RFX3: variants seen among roughly 807,000 people sequenced by gnomAD.
RFX3 encodes transcription factor RFX3.
A neutral mutation model predicts 98.6 loss-of-function variants in RFX3; 14 were observed. The ratio of observed to expected loss-of-function variants is 0.14; its 90% confidence interval spans 0.09 to 0.22. The LOEUF (loss-of-function observed/expected upper bound fraction) is 0.22. Among genes scored for constraint, RFX3 ranks in the 10% least tolerant of loss-of-function variants. The pLI is 1.00. For synonymous variants in RFX3, 383 were observed against 328.4 expected, an observed-to-expected ratio of 1.17 and a Z score of -1.80; for missense variants, 639 against 926.9, an observed-to-expected ratio of 0.69 and a Z score of 4.03.
chr9:3,321,312 T>G (rs13283815), intron 4 of RFX3, among the ~76,000 whole-genome samples: 8,876 of 152,286 alleles, frequency 0.058, 361 homozygotes, highest in Non-Finnish European at 0.087. Context: ...GCACACTGAC[T>G]GAGTCAGAGG....
At chr9:3,361,961 A>G (rs186455807) in intron 2 of RFX3, among the ~76,000 whole-genome samples, 61 of 152,294 alleles carry the variant, frequency 4.0e-4, no homozygotes, top group Admixed American at 1.9e-3. Flanking sequence ...ATAAAGTAAA[A>G]TAAAATAAAA....
intron 4 of RFX3, among the ~76,000 whole-genome samples, chr9:3,322,915 T>C (rs1403287406): frequency 6.6e-6 from 1 of 152,152 alleles, no homozygotes; most frequent in Non-Finnish European, 1.5e-5. Context: ...TCCTGTAATT[T>C]TGAAAGCACA....
At chr9:3,436,587 G>T (rs1481306137) in intron 1 of RFX3, among the ~76,000 whole-genome samples, 3 of 152,068 alleles carry the variant, frequency 2.0e-5, no homozygotes, top group African/African-American at 7.2e-5. Context: ...TGGACACTTA[G>T]TTCCAAAATT....
intron 14 of RFX3, among the ~76,000 whole-genome samples, chr9:3,255,856 T>C (rs528645479): frequency 6.6e-6 from 1 of 152,344 alleles, no homozygotes; most frequent in South Asian, 2.1e-4. Flanking sequence ...AAAAGTGATT[T>C]ATATTATTAA....
chr9:3,322,272 T>C (rs1341159651), intron 4 of RFX3, among the ~76,000 whole-genome samples: 2 of 152,186 alleles, frequency 1.3e-5, no homozygotes, highest in African/African-American at 4.8e-5. Flanking sequence ...GTTATTCAAG[T>C]TTCCTTTTGT....
At chr9:3,366,694 C>T (rs1299577550) in intron 2 of RFX3, among the ~76,000 whole-genome samples, 172 of 8,216 alleles carry the variant, frequency 0.021, 3 homozygotes, top group African/African-American at 0.056. Context: ...TCTTTCTTTC[C>T]TTTCTTTCTT....
chr9:3,240,757 C>G (rs986367080), intron 15 of RFX3, among the ~76,000 whole-genome samples: 2 of 152,190 alleles, frequency 1.3e-5, no homozygotes, highest in African/African-American at 4.8e-5. Flanking sequence ...GGGCCAGCAA[C>G]CACTATCTTC....
At chr9:3,404,748 G>A (rs955194013) in intron 1 of RFX3, among the ~76,000 whole-genome samples, 2 of 152,010 alleles carry the variant, frequency 1.3e-5, no homozygotes, top group African/African-American at 4.8e-5. Context: ...AAGTTTCATT[G>A]TCATCTCTCT....
At chr9:3,250,753 C>T (rs1821288801) in intron 14 of RFX3, among the ~76,000 whole-genome samples, 1 of 151,478 alleles carries the variant, frequency 6.6e-6, no homozygotes. Flanking sequence ...AAATTTTATG[C>T]AATCATTAAA....
chr9:3,490,036 T>G (rs1387574761), intron 1 of RFX3, among the ~76,000 whole-genome samples: 2 of 152,026 alleles, frequency 1.3e-5, no homozygotes, highest in East Asian at 3.8e-4. Context: ...AAATATAAAC[T>G]GAAAACACAT....
intron 4 of RFX3, among the ~76,000 whole-genome samples, chr9:3,322,579 A>G (rs181613779): frequency 6.6e-6 from 1 of 152,222 alleles, no homozygotes; most frequent in East Asian, 1.9e-4. Flanking sequence ...TAAAAATACA[A>G]AAGATTAGCT....
intron 1 of RFX3, among the ~76,000 whole-genome samples, chr9:3,491,005 A>G (rs947740355): frequency 3.9e-5 from 6 of 152,138 alleles, no homozygotes; most frequent in African/African-American, 1.4e-4. Flanking sequence ...ATTACAACGT[A>G]TATCTGATAA....
chr9:3,399,844 G>A (rs1489064755), intron 1 of RFX3, among the ~76,000 whole-genome samples: 2 of 151,566 alleles, frequency 1.3e-5, no homozygotes, highest in African/African-American at 2.4e-5. Flanking sequence ...AGCTACTCAG[G>A]AGGCTGCAGC....
At chr9:3,338,827 C>G (rs1225221840) in intron 3 of RFX3, among the ~76,000 whole-genome samples, 3 of 152,140 alleles carry the variant, frequency 2.0e-5, no homozygotes, top group Non-Finnish European at 4.4e-5. Flanking sequence ...CGGTGGCTCA[C>G]GCCTGTAATC....
intron 2 of RFX3, among the ~76,000 whole-genome samples, chr9:3,367,598 C>A (rs1759934184): frequency 6.6e-6 from 1 of 152,118 alleles, no homozygotes; most frequent in Non-Finnish European, 1.5e-5. Flanking sequence ...AGACAGAGTC[C>A]AAAGGAATTG....
At chr9:3,302,281 A>T (rs1489378693) in intron 4 of RFX3, among the ~76,000 whole-genome samples, 1 of 151,808 alleles carries the variant, frequency 6.6e-6, no homozygotes, top group Non-Finnish European at 1.5e-5. Context: ...AAGAAGAGAA[A>T]ATAATTCAGA....
At chr9:3,266,621 G>GA (rs1563828284) in intron 11 of RFX3, among the ~76,000 whole-genome samples, 2 of 151,736 alleles carry the variant, frequency 1.3e-5, no homozygotes, top group South Asian at 4.1e-4. Flanking sequence ...TTCTTGCTTG[G>GA]AAAAAAACAC....
intron 3 of RFX3, among the ~76,000 whole-genome samples, chr9:3,331,511 G>C (rs753043821): frequency 6.6e-6 from 1 of 151,858 alleles, no homozygotes; most frequent in Non-Finnish European, 1.5e-5. Flanking sequence ...TATCTTCAAC[G>C]CCACCTCCTA....
At chr9:3,287,274 C>T (rs1453540357) in intron 7 of RFX3, among the ~76,000 whole-genome samples, 1 of 151,908 alleles carries the variant, frequency 6.6e-6, no homozygotes, top group South Asian at 2.1e-4. Context: ...GATCATTACA[C>T]TGGGACCTAT....
Sources: allele counts gnomAD v4.1 joint callset (sites outside exome capture counted in the v4.1 genomes callset), GRCh38; gene constraint gnomAD v4.1.1; transcripts MANE v1.5; gene names NCBI Gene and HGNC (gene_info 2026-07-23, HGNC 2026-07-21).